The following IQCB1 variants were observed in gnomAD, a reference collection of about 807,000 sequenced individuals.
The protein encoded by IQCB1 is IQ motif containing B1, also known as IQ calmodulin-binding motif-containing protein 1.
In IQCB1, 56 loss-of-function variants were observed where a neutral mutation model predicts 84.4. The ratio of observed to expected loss-of-function variants is 0.66; its 90% CI spans 0.54 to 0.83. The LOEUF is 0.83. Among genes scored for constraint, IQCB1 ranks in the 40% least tolerant of loss-of-function variants. The pLI, the probability that IQCB1 is intolerant of heterozygous loss-of-function variation, is 0.00. For synonymous variants in IQCB1, 210 were observed against 234.8 expected, an observed-to-expected ratio of 0.89 and a Z score of 0.96; for missense variants, 629 against 682.1, an observed-to-expected ratio of 0.92 and a Z score of 0.87.
At chr3:121,813,733 T>C in intron 5 of IQCB1, among the ~76,000 whole-genome samples, 1 of 152,196 alleles carries the variant, frequency 6.6e-6, no homozygotes, top group East Asian at 1.9e-4. Context: ...CTATCCTAAA[T>C]ATATATTCAC....
chr3:121,819,420 A>T (rs1189167840), intron 5 of IQCB1, among the ~76,000 whole-genome samples: 1 of 152,184 alleles, frequency 6.6e-6, no homozygotes, highest in Non-Finnish European at 1.5e-5. Context: ...CTGTAAATAC[A>T]GATGAAGCTT....
At chr3:121,795,593 T>C in intron 9 of IQCB1, 27 bp from the exon 10 acceptor site, 1 of 1,344,688 alleles carries the variant, frequency 7.4e-7, no homozygotes, top group Admixed American at 1.8e-5. Flanking sequence ...AATTTAGAGA[T>C]ATCTCTAGGA....
At chr3:121,782,138 C>A (rs926786768) in intron 12 of IQCB1, among the ~76,000 whole-genome samples, 3 of 152,142 alleles carry the variant, frequency 2.0e-5, no homozygotes, top group Non-Finnish European at 4.4e-5. Context: ...AGATTCTAGT[C>A]TCAATTCTAG....
chr3:121,772,183 A>AT (rs1948024982), intron 14 of IQCB1, among the ~76,000 whole-genome samples: 1 of 152,262 alleles, frequency 6.6e-6, no homozygotes. Flanking sequence ...CAAAATAATA[A>AT]TAAAAAAAAA....
intron 13 of IQCB1, among the ~76,000 whole-genome samples, chr3:121,773,065 G>T (rs982713707): frequency 6.6e-6 from 1 of 151,730 alleles, no homozygotes; most frequent in Admixed American, 6.6e-5. Flanking sequence ...GCTCACGCCT[G>T]TAATCCCAGC....
At chr3:121,809,131 T>A (rs953900508) in intron 5 of IQCB1, 122 bp from the exon 6 acceptor site, 5 of 641,754 alleles carry the variant, frequency 7.8e-6, no homozygotes, top group Non-Finnish European at 1.1e-5. Context: ...TAGCTATTTA[T>A]GAGGGACATG....
At chr3:121,781,982 G>C in intron 12 of IQCB1, 108 bp from the exon 13 acceptor site, 1 of 1,127,160 alleles carries the variant, frequency 8.9e-7, no homozygotes, top group Middle Eastern at 2.3e-4. Flanking sequence ...GATTAACTCT[G>C]AGTGTGTATA....
intron 5 of IQCB1, among the ~76,000 whole-genome samples, chr3:121,813,205 T>A (rs1256479424): frequency 1.3e-5 from 2 of 152,170 alleles, no homozygotes; most frequent in Non-Finnish European, 2.9e-5. Context: ...ATAAAATCCT[T>A]TATAGACAAG....
chr3:121,811,680 T>C (rs1949836397), intron 5 of IQCB1, among the ~76,000 whole-genome samples: 1 of 152,190 alleles, frequency 6.6e-6, no homozygotes. Context: ...TGGAACTCAC[T>C]GCAGCACAGC....
At chr3:121,824,122 T>C (rs919314909) in intron 5 of IQCB1, among the ~76,000 whole-genome samples, 1 of 152,170 alleles carries the variant, frequency 6.6e-6, no homozygotes, top group Non-Finnish European at 1.5e-5. Flanking sequence ...GGTTAAAAAG[T>C]AAAGGTTGAG....
chr3:121,786,528 C>T (rs938947741), intron 12 of IQCB1, among the ~76,000 whole-genome samples: 3 of 151,740 alleles, frequency 2.0e-5, no homozygotes, highest in African/African-American at 4.8e-5. Context: ...CCTCTTATTT[C>T]CTTTTCCATT....
intron 7 of IQCB1, among the ~76,000 whole-genome samples, chr3:121,806,258 T>C (rs1461202539): frequency 1.3e-5 from 2 of 152,142 alleles, no homozygotes; most frequent in African/African-American, 2.4e-5. Context: ...TGGATTAGTA[T>C]GATTGCCTTT....
chr3:121,788,336 T>G lies in IQCB1; in HGVS notation c.1226A>C (p.Gln409Pro), dbSNP rs368525345. 1 of 1,613,892 alleles carries G rather than the reference T, an allele frequency of 6.2e-7. No individual in the cohort carries two copies. The highest frequency in any genetic ancestry group is 1.3e-5 in the African/African-American group (1 of 74,906). ...RGYRERKNFHQQRQSLIEYKA... is the reference protein window; with the variant it reads ...RGYRERKNFHPQRQSLIEYKA... ...ATACTCTATGAGAGACTGCCTCTGT[T>G]GGTGAAAATTTTTCCTTTCCCTGTA... Residue 409 changes from glutamine (Q) to proline (P), a missense_variant, in exon 12 of 15, where the codon CAA (glutamine) becomes CCA (proline). Transcript: ENST00000310864.
chr3:121,796,143 TAC>T (rs1161458046), intron 9 of IQCB1, among the ~76,000 whole-genome samples: 1 of 152,106 alleles, frequency 6.6e-6, no homozygotes, highest in Non-Finnish European at 1.5e-5. Context: ...ATGATTTTGT[TAC>T]CTAATCAATA....
At chr3:121,809,058 T>A in intron 5 of IQCB1, 49 bp from the exon 6 acceptor site, 3 of 947,268 alleles carry the variant, frequency 3.2e-6, no homozygotes, top group Non-Finnish European at 4.7e-6. Flanking sequence ...TTTTTTTCCT[T>A]TTTTTTTTTT....
rs114872067 is a variant in IQCB1 at position 121,804,198 on chromosome 3, G to T, written c.587+3146C>A. 4.4e-3 allele frequency among the ~76,000 whole-genome samples: 672 copies of T among 152,038 alleles called. 6 individuals carry two copies. Among genetic ancestry groups the T allele is most frequent in the Admixed American group, 0.01 (154 of 15,270 alleles). On this transcript the variant is annotated intron_variant, in intron 7 of 14. Transcript: ENST00000310864. The stretch of plus-strand genomic sequence containing the variant: ...TGTATAGTATAAGAGTCTTACATCA[G>T]TATACTTCCATTTATCTCCTCCCAG...
chr3:121,784,752 G>A (rs1559759050), intron 12 of IQCB1, among the ~76,000 whole-genome samples: 3 of 152,044 alleles, frequency 2.0e-5, no homozygotes, highest in Non-Finnish European at 4.4e-5. Flanking sequence ...CTTGATTATG[G>A]CTCACTGCAG....
At position 121,781,856 on chromosome 3, in the gene IQCB1, T is replaced by C. The variant is rs1239159087; in HGVS notation, c.1297A>G (p.Lys433Glu). 2.9e-5 allele frequency: 46 copies of C among 1,613,536 alleles called. No homozygotes were observed. The highest frequency in any genetic ancestry group is 3.9e-5 in the Non-Finnish European group (46 of 1,179,682). The change falls in exon 13 of 15, where the codon AAG (lysine) becomes GAG (glutamate). Residue 433 changes from lysine to glutamate, a missense_variant. By Grantham distance (56) the Lys-to-Glu change is moderately conservative. Transcript: ENST00000310864. ...LQRAALKFLA[K>E]CRKKKKLFAP... The stretch of plus-strand genomic sequence containing the variant: ...AATAGTTTCTTTTTCTTACGGCACT[T>C]CGCTAGGAATTTAAGCGCCTGGAAG...
intron 10 of IQCB1, among the ~76,000 whole-genome samples, 198 bp from the exon 11 acceptor site, chr3:121,790,413 A>T (rs999398630): frequency 3.3e-5 from 5 of 152,242 alleles, no homozygotes; most frequent in African/African-American, 1.2e-4. Flanking sequence ...ATGCATTAAA[A>T]GTCTGGAAAA....
Sources: allele counts gnomAD v4.1 joint callset (sites outside exome capture counted in the v4.1 genomes callset), GRCh38; gene constraint gnomAD v4.1.1; transcripts MANE v1.5; gene names NCBI Gene and HGNC (gene_info 2026-07-23, HGNC 2026-07-21).